The following SGCZ variants were observed in gnomAD, a reference collection of about 807,000 sequenced individuals.
SGCZ encodes sarcoglycan zeta.
SGCZ carries 40 observed loss-of-function variants against 41.3 expected under a neutral mutation model. That is an observed-to-expected ratio of 0.97 (90% CI 0.75 to 1.26). The LOEUF (loss-of-function observed/expected upper bound fraction) is 1.26, where lower values mean the gene tolerates loss of function less well. SGCZ is among the 50% of genes most tolerant of loss of function. SGCZ has a pLI of 0.00. For missense variants in SGCZ, 552 were observed against 369.8 expected, an observed-to-expected ratio of 1.49 and a Z score of -4.04; for synonymous variants, 206 against 137.5, an observed-to-expected ratio of 1.50 and a Z score of -3.49.
At chr8:15,052,346 G>T (rs957815699) in intron 1 of SGCZ, among the ~76,000 whole-genome samples, 1 of 152,208 alleles carries the variant, frequency 6.6e-6, no homozygotes, top group African/African-American at 2.4e-5. Context: ...AAGGGCATTT[G>T]CTGAAAGCAG....
At chr8:15,115,060 G>C (rs572444775) in intron 1 of SGCZ, among the ~76,000 whole-genome samples, 1 of 152,038 alleles carries the variant, frequency 6.6e-6, no homozygotes, top group Non-Finnish European at 1.5e-5. Flanking sequence ...AGTGTGGCAA[G>C]CTTAGCACCT....
At chr8:14,771,539 A>C (rs939588717) in intron 1 of SGCZ, among the ~76,000 whole-genome samples, 2 of 152,086 alleles carry the variant, frequency 1.3e-5, no homozygotes, top group Non-Finnish European at 2.9e-5. Context: ...AATCTAGGTT[A>C]TTTTTTAACT....
intron 1 of SGCZ, among the ~76,000 whole-genome samples, chr8:15,120,418 C>T (rs892122101): frequency 1.3e-5 from 2 of 152,124 alleles, no homozygotes; most frequent in African/African-American, 4.8e-5. Flanking sequence ...GCTACATTTT[C>T]GTCACTATTT....
At position 14,186,110 on chromosome 8, in the gene SGCZ, G is replaced by T. The variant is rs143739045; in HGVS notation, c.425-21408C>A. 4.5e-3 allele frequency among the ~76,000 whole-genome samples: 683 copies of T among 152,230 alleles called. 6 individuals carry two copies. Among genetic ancestry groups the T allele is most frequent in the African/African-American group, 0.016 (654 of 41,536 alleles). The stretch of plus-strand genomic sequence containing the variant: ...CCACAGGGCTCCCCAGTAATTTAGC[G>T]CTCTACTACTAGAGTTCCTTGTCTC... On this transcript the variant is annotated intron_variant, in intron 4 of 7. Transcript: ENST00000382080.
intron 2 of SGCZ, among the ~76,000 whole-genome samples, chr8:14,420,286 C>A (rs1300241725): frequency 4.6e-5 from 7 of 151,964 alleles, no homozygotes; most frequent in African/African-American, 1.7e-4. Flanking sequence ...TAAATCTTTG[C>A]AGCCACATTT....
At chr8:14,607,940 G>C (rs7835912) in intron 1 of SGCZ, among the ~76,000 whole-genome samples, 1 of 152,138 alleles carries the variant, frequency 6.6e-6, no homozygotes, top group Middle Eastern at 3.2e-3. Context: ...TGGAGTAATT[G>C]TTACTGCTGT....
intron 5 of SGCZ, among the ~76,000 whole-genome samples, chr8:14,159,034 G>A (rs573403372): frequency 6.6e-6 from 1 of 152,136 alleles, no homozygotes; most frequent in South Asian, 2.1e-4. Context: ...CTCCCAAAGT[G>A]CTGGGATTAC....
chr8:14,386,867 T>C (rs572248625), intron 2 of SGCZ, among the ~76,000 whole-genome samples: 3 of 152,336 alleles, frequency 2.0e-5, no homozygotes, highest in African/African-American at 2.4e-5. Context: ...TTTTGGAGTA[T>C]CTTGAATTCT....
intron 1 of SGCZ, among the ~76,000 whole-genome samples, chr8:15,045,298 A>G (rs1375205303): frequency 1.3e-5 from 2 of 152,104 alleles, no homozygotes; most frequent in African/African-American, 4.8e-5. Context: ...ATGAAAACTT[A>G]GCTGGGCCTT....
chr8:14,511,642 A>G (rs994247153), intron 2 of SGCZ, among the ~76,000 whole-genome samples: 3 of 152,158 alleles, frequency 2.0e-5, no homozygotes. Context: ...ATATTTCTAC[A>G]CTAATTATAT....
At position 14,415,591 on chromosome 8, in the gene SGCZ, C is replaced by T. The variant is rs77942978; in HGVS notation, c.235-91387G>A. On this transcript the variant is annotated intron_variant, in intron 2 of 7. Transcript: ENST00000382080. ...ACATTACAGTAAGTGAGACAGTTGA[C>T]ATCTTTCACAGGATTTTAGTTCCTT... 4.3e-3 allele frequency among the ~76,000 whole-genome samples: 658 copies of T among 152,084 alleles called. 4 individuals are homozygous for T. Among genetic ancestry groups the T allele is most frequent in the Admixed American group, 0.011 (169 of 15,230 alleles).
intron 2 of SGCZ, among the ~76,000 whole-genome samples, chr8:14,514,366 C>G (rs539438903): frequency 6.6e-6 from 1 of 152,096 alleles, no homozygotes; most frequent in African/African-American, 2.4e-5. Context: ...TAACAAACTA[C>G]TTAATTTCCT....
intron 2 of SGCZ, among the ~76,000 whole-genome samples, chr8:14,337,095 T>G (rs1332844283): frequency 6.6e-6 from 1 of 152,154 alleles, no homozygotes; most frequent in Non-Finnish European, 1.5e-5. Flanking sequence ...AGTATCTCCA[T>G]AGTTCCCTAA....
intron 1 of SGCZ, among the ~76,000 whole-genome samples, chr8:14,678,473 AAAC>A (rs1457218690): frequency 2.0e-5 from 3 of 152,216 alleles, no homozygotes; most frequent in Non-Finnish European, 4.4e-5. Flanking sequence ...ATGCAAAGTA[AAAC>A]AACAATGATA....
At chr8:15,129,908 G>A (rs370394314) in intron 1 of SGCZ, among the ~76,000 whole-genome samples, 6 of 151,578 alleles carry the variant, frequency 4.0e-5, no homozygotes, top group South Asian at 2.1e-4. Context: ...TTATGAAGTC[G>A]GATAAATATA....
intron 2 of SGCZ, among the ~76,000 whole-genome samples, chr8:14,426,037 G>T (rs905668567): frequency 3.9e-5 from 6 of 152,098 alleles, no homozygotes; most frequent in Admixed American, 6.6e-5. Context: ...ATCCATACAA[G>T]AATTCATTTT....
chr8:14,619,841 A>G (rs1806225790), intron 1 of SGCZ, among the ~76,000 whole-genome samples: 1 of 152,224 alleles, frequency 6.6e-6, no homozygotes, highest in African/African-American at 2.4e-5. Context: ...GGAAGAATCA[A>G]TATCGTGAAA....
intron 1 of SGCZ, among the ~76,000 whole-genome samples, chr8:15,034,794 G>C (rs1025571969): frequency 1.3e-5 from 2 of 152,110 alleles, no homozygotes; most frequent in African/African-American, 4.8e-5. Flanking sequence ...AGACAAGAGA[G>C]AGTGGAATGA....
At chr8:14,239,208 T>C (rs1806881932) in intron 3 of SGCZ, among the ~76,000 whole-genome samples, 1 of 151,248 alleles carries the variant, frequency 6.6e-6, no homozygotes, top group East Asian at 1.9e-4. Flanking sequence ...AGAATACTAC[T>C]GTCTCTTGAT....
Sources: gnomAD v4.1 joint callset for allele counts (sites outside exome capture counted in the v4.1 genomes callset) on GRCh38, gnomAD v4.1.1 for gene constraint, MANE v1.5 for transcripts, NCBI Gene and HGNC (gene_info 2026-07-23, HGNC 2026-07-21) for gene names.